Variants in C10orf143 observed in about 807,000 individuals in gnomAD.
C10orf143 encodes the protein chromosome 10 open reading frame 143.
rs770848262 is a variant in C10orf143, at chr10:130,106,100, C to T, written c.69+4604G>A. 9.5e-6 allele frequency: 6 copies of T among 631,620 alleles called. No homozygotes were observed. The African/African-American group carries it at 1.1e-4, about 11-fold the overall frequency. 39.1% of individuals were successfully genotyped at this position (631,620 alleles called of 1,614,324 possible). A position where few individuals can be genotyped will look rare whatever the true frequency, so the allele number is the denominator to read the frequency against. On this transcript the variant is annotated intron_variant, in intron 1 of 3. Coordinates refer to ENST00000637128, the MANE Select transcript of C10orf143 (RefSeq NM_001355042.2). ...GTACTTGGGGCTGGTCCTGGGGGAG[C>T]CACGCAGGGTTGTGGCAGCGCTGCC...
chr10:130,106,511 A>G, intron 1 of C10orf143: 2 of 1,600,890 alleles, frequency 1.2e-6, no homozygotes, highest in Non-Finnish European at 1.7e-6. Context: ...AAAAGAAGAG[A>G]AATCTAAACA....
At chr10:130,043,633 C>T (rs1860632178) in intron 3 of C10orf143, among the ~76,000 whole-genome samples, 1 of 152,226 alleles carries the variant, frequency 6.6e-6, no homozygotes, top group African/African-American at 2.4e-5. Flanking sequence ...ACCCCATAAG[C>T]ACCCCCAGGT....
chr10:130,076,568 C>A (rs958175530), intron 3 of C10orf143, among the ~76,000 whole-genome samples: 19 of 152,198 alleles, frequency 1.2e-4, no homozygotes, highest in African/African-American at 4.6e-4. Context: ...AAACACGGTG[C>A]TGAGGAAATA....
At position 130,056,229 on chromosome 10, in the gene C10orf143, G is replaced by A. The variant is rs1350116264; in HGVS notation, c.298-20259C>T. Among the ~76,000 whole-genome samples the A allele has an allele frequency of 6.6e-6, 1 of 152,096 alleles. No individual in the cohort carries two copies. The highest frequency in any genetic ancestry group is 1.5e-5 in the Non-Finnish European group (1 of 68,014). ...AGTAAATGTGCAATTAACCCTTACC[G>A]ACCCTAGCAAGCCACTGGTGGTCTT... On this transcript the variant is annotated intron_variant and NMD_transcript_variant, in intron 3 of 5. Transcript: ENST00000643056. The surrounding 1 kb of genome is among the most constrained non-coding windows in gnomAD (Gnocchi z 4.6).
At chr10:130,076,280 G>A (rs1015182794) in intron 3 of C10orf143, among the ~76,000 whole-genome samples, 2 of 152,180 alleles carry the variant, frequency 1.3e-5, no homozygotes, top group African/African-American at 4.8e-5. Flanking sequence ...GAGGGCTAGA[G>A]AGAGAGAGAA....
intron 3 of C10orf143, among the ~76,000 whole-genome samples, chr10:130,072,346 TA>T (rs1861046679): frequency 1.1e-5 from 1 of 95,084 alleles, no homozygotes; most frequent in East Asian, 2.8e-4. Context: ...TCAACTATTC[TA>T]CTCAAACATT....
At position 130,065,914 on chromosome 10, in the gene C10orf143, C is replaced by T. The variant is rs1240731364; in HGVS notation, c.298-1531G>A. ...TCACTTGGAGGTGCCGTGGGGTGCG[C>T]AGACCCAGGAGGCAGCAGGCGTCTC... On this transcript the variant is annotated intron_variant, in intron 3 of 3. Coordinates refer to ENST00000637128, the MANE Select transcript of C10orf143 (RefSeq NM_001355042.2). This position sits in a 1 kb window ranked among gnomAD's most constrained non-coding sequence, Gnocchi z 4.2. 1 of 152,128 alleles carries T rather than the reference C, an allele frequency of 6.6e-6. No homozygotes were observed. Among genetic ancestry groups the T allele is most frequent in the African/African-American group, 2.4e-5 (1 of 41,398 alleles). The allele number at this position is 152,128 out of a possible 1,614,324, so 9.4% of individuals were successfully genotyped here.
chr10:130,039,903 C>A (rs183893684), intron 3 of C10orf143, among the ~76,000 whole-genome samples: 1 of 152,138 alleles, frequency 6.6e-6, no homozygotes, highest in Non-Finnish European at 1.5e-5. Flanking sequence ...CATTTAGGGA[C>A]GTGGCAAATC....
chr10:130,038,671 C>T (rs1434987902), intron 3 of C10orf143, among the ~76,000 whole-genome samples: 3 of 152,188 alleles, frequency 2.0e-5, no homozygotes, highest in African/African-American at 7.2e-5. Context: ...CTTCCCCACC[C>T]CCCAGGCTGA....
In C10orf143 at chr10:130,056,147, G is replaced by A. The variant is rs1199791296; in HGVS notation, c.298-20177C>T. On this transcript the variant is annotated intron_variant and NMD_transcript_variant, in intron 3 of 5. Coordinates refer to the C10orf143 transcript ENST00000643056. This position sits in a 1 kb window ranked among gnomAD's most constrained non-coding sequence, Gnocchi z 4.6. ...CAATTTAAAGTAAGTAAATTTAGAT[G>A]TCAGAAAGGAAATCTTGTTTGTCCT... Among the ~76,000 whole-genome samples the A allele has an allele frequency of 6.6e-6, 1 of 152,166 alleles. No homozygotes were observed. Among genetic ancestry groups the A allele is most frequent in the Non-Finnish European group, 1.5e-5 (1 of 68,028 alleles).
At chr10:130,106,387 T>C in intron 1 of C10orf143, 1 of 1,602,730 alleles carries the variant, frequency 6.2e-7, no homozygotes, top group Non-Finnish European at 8.5e-7. Context: ...CGTTAGAGGA[T>C]GCCAGCTTTG....
chr10:130,081,046 A>G (rs932991046), intron 1 of C10orf143, among the ~76,000 whole-genome samples: 8 of 152,226 alleles, frequency 5.3e-5, no homozygotes, highest in Non-Finnish European at 8.8e-5. Context: ...AGAAAATACA[A>G]ATCCTTCTAC....
intron 3 of C10orf143, among the ~76,000 whole-genome samples, chr10:130,042,784 G>C (rs1391829157): frequency 2.6e-5 from 4 of 152,246 alleles, no homozygotes; most frequent in South Asian, 2.1e-4. Flanking sequence ...GAAAACACAA[G>C]TAGGGAAAGC....
rs374950120 is a variant in C10orf143, at chr10:130,053,596, C to T, written c.298-17626G>A. 3.9e-5 allele frequency among the ~76,000 whole-genome samples: 6 copies of T among 152,258 alleles called. No homozygotes were observed. The East Asian group carries it at 9.7e-4, about 24-fold the overall frequency. ...TATTTCCACCGGTGTCAGGAGCTTG[C>T]TGTTGGGCGTGAGACTCAAGGGGGC... On this transcript the variant is annotated intron_variant and NMD_transcript_variant, in intron 3 of 5. Coordinates refer to the C10orf143 transcript ENST00000643056.
chr10:130,098,708 G>A (rs1437920256), intron 1 of C10orf143, among the ~76,000 whole-genome samples: 2 of 152,194 alleles, frequency 1.3e-5, no homozygotes, highest in African/African-American at 4.8e-5. Flanking sequence ...ACCTGAAGAG[G>A]TGGCTAACCA....
At chr10:130,082,432 T>C (rs1861224432) in intron 1 of C10orf143, among the ~76,000 whole-genome samples, 1 of 152,170 alleles carries the variant, frequency 6.6e-6, no homozygotes, top group South Asian at 2.1e-4. Context: ...TCATCTTGAA[T>C]TGTAGCTCCT....
chr10:130,109,451 T>C (rs897235001), intron 1 of C10orf143, among the ~76,000 whole-genome samples: 3 of 152,162 alleles, frequency 2.0e-5, no homozygotes, highest in Non-Finnish European at 4.4e-5. Context: ...TCCACCCCAC[T>C]GGACTGCTCA....
At position 130,069,008 on chromosome 10, in the gene C10orf143, C is replaced by T. The variant is rs141984856; in HGVS notation, c.298-4625G>A. On this transcript the variant is annotated intron_variant, in intron 3 of 3. Transcript: ENST00000637128. ...TTTTTAAAATAATGGCCAAAGACTT[C>T]GCAGATTTGATTTGAAAACATTAAT... is the stretch of plus-strand genomic sequence containing the variant. Among the ~76,000 whole-genome samples the T allele has an allele frequency of 1.6e-4, 25 of 152,236 alleles. No individual in the cohort carries two copies. The East Asian group carries it at 4.2e-3, about 26-fold the overall frequency.
intron 1 of C10orf143, 41 bp from the exon 2 acceptor site, chr10:130,079,942 C>T: frequency 2.5e-6 from 1 of 398,584 alleles, no homozygotes; most frequent in Admixed American, 4.4e-5. Context: ...TCTCATAAAG[C>T]ACACAACACT....
Sources: allele counts gnomAD v4.1 joint callset (sites outside exome capture counted in the v4.1 genomes callset), GRCh38; gene constraint gnomAD v4.1.1; non-coding constraint Gnocchi (gnomAD v3.1); transcripts MANE v1.5; gene names NCBI Gene and HGNC (gene_info 2026-07-23, HGNC 2026-07-21).